The following GRM8 variants were observed in gnomAD, a reference collection of about 807,000 sequenced individuals.
GRM8 encodes glutamate metabotropic receptor 8.
A neutral mutation model predicts 87.2 loss-of-function variants in GRM8; 47 were observed. The ratio of observed to expected loss-of-function variants is 0.54; its 90% CI spans 0.43 to 0.69. The LOEUF (loss-of-function observed/expected upper bound fraction) is 0.69. GRM8 is among the 30% of genes least tolerant of loss of function. The pLI, the probability that GRM8 is intolerant of heterozygous loss-of-function variation, is 0.00. For synonymous variants in GRM8, 396 were observed against 404.5 expected (o/e 0.98, Z 0.25); for missense variants, 1,019 against 1,139.2 (o/e 0.89, Z 1.52).
At chr7:127,217,724 G>A (rs909844732) in intron 2 of GRM8, among the ~76,000 whole-genome samples, 7 of 152,288 alleles carry the variant, frequency 4.6e-5, no homozygotes, top group African/African-American at 1.7e-4. Flanking sequence ...CACACATTCT[G>A]AATTGGCCAG....
intron 6 of GRM8, among the ~76,000 whole-genome samples, chr7:126,879,114 G>T (rs553854062): frequency 1.3e-5 from 2 of 148,154 alleles, no homozygotes; most frequent in Non-Finnish European, 3.0e-5. Context: ...AGTGAGCCAA[G>T]ACGGCGCCAT....
chr7:127,081,370 C>T (rs1312571673), intron 3 of GRM8, among the ~76,000 whole-genome samples: 1 of 152,324 alleles, frequency 6.6e-6, no homozygotes, highest in African/African-American at 2.4e-5. Flanking sequence ...CAATGCAATG[C>T]AGATATTGGC....
intron 6 of GRM8, among the ~76,000 whole-genome samples, chr7:126,815,169 T>C (rs1793669399): frequency 6.6e-6 from 1 of 152,118 alleles, no homozygotes; most frequent in African/African-American, 2.4e-5. Context: ...TTTTTGTCCA[T>C]GGCTGTCCAG....
chr7:127,137,945 C>T (rs528723600), intron 2 of GRM8, among the ~76,000 whole-genome samples: 3 of 152,280 alleles, frequency 2.0e-5, no homozygotes, highest in Non-Finnish European at 2.9e-5. Context: ...TGCTTAAGCT[C>T]CTTTCCTTTT....
intron 3 of GRM8, among the ~76,000 whole-genome samples, chr7:127,046,716 A>G (rs1818961088): frequency 6.6e-6 from 1 of 152,216 alleles, no homozygotes; most frequent in Non-Finnish European, 1.5e-5. Context: ...TTTCTTTTAA[A>G]TAATGATATA....
chr7:126,649,743 T>C (rs371119294), intron 7 of GRM8, among the ~76,000 whole-genome samples: 3 of 152,240 alleles, frequency 2.0e-5, no homozygotes, highest in East Asian at 3.9e-4. Flanking sequence ...CAGTTGGATG[T>C]GTTACTTTGG....
intron 6 of GRM8, among the ~76,000 whole-genome samples, chr7:126,844,690 T>G (rs561284151): frequency 2.6e-5 from 4 of 152,292 alleles, no homozygotes; most frequent in African/African-American, 9.6e-5. Flanking sequence ...GGTCAGGTTC[T>G]GGGGAGAGCT....
intron 1 of GRM8, chr7:127,251,061 T>C (rs1242100439): frequency 1.3e-5 from 2 of 152,188 alleles, no homozygotes; most frequent in African/African-American, 2.4e-5. Flanking sequence ...TTCAGGTTTG[T>C]GGGAAAGGAT....
intron 2 of GRM8, among the ~76,000 whole-genome samples, chr7:127,144,180 T>A (rs781281840): frequency 1.1e-4 from 16 of 152,158 alleles, no homozygotes; most frequent in Non-Finnish European, 2.1e-4. Flanking sequence ...ATATTTGTTA[T>A]GCTTATTATT....
At chr7:127,040,603 TGAAAAAAAAAAA>T (rs1223366407) in intron 3 of GRM8, among the ~76,000 whole-genome samples, 1 of 15,116 alleles carries the variant, frequency 6.6e-5, no homozygotes, top group Non-Finnish European at 1.2e-4. Flanking sequence ...GTATTCCTTG[TGAAAAAAAAAAA>T]AAAGAGACTG....
At chr7:127,013,696 C>G (rs1310598003) in intron 3 of GRM8, among the ~76,000 whole-genome samples, 1 of 151,996 alleles carries the variant, frequency 6.6e-6, no homozygotes, top group African/African-American at 2.4e-5. Flanking sequence ...CTCTGGAAAG[C>G]CAGATAATAA....
intron 7 of GRM8, among the ~76,000 whole-genome samples, chr7:126,664,478 A>G (rs1805545504): frequency 1.3e-5 from 2 of 151,936 alleles, no homozygotes; most frequent in Non-Finnish European, 2.9e-5. Context: ...CCAGAAATAA[A>G]GTCATCCAAT....
intron 9 of GRM8, among the ~76,000 whole-genome samples, chr7:126,448,766 T>G (rs1315867585): frequency 1.3e-5 from 2 of 151,924 alleles, no homozygotes; most frequent in African/African-American, 4.8e-5. Context: ...AACAAAATCC[T>G]TAGCAAACTA....
At chr7:127,108,218 C>A (rs548489433) in intron 2 of GRM8, among the ~76,000 whole-genome samples, 38 of 152,168 alleles carry the variant, frequency 2.5e-4, no homozygotes, top group Non-Finnish European at 4.7e-4. Context: ...CGCAAGGACA[C>A]CCCTCCAAAT....
At chr7:126,634,460 T>C (rs117512599) in intron 7 of GRM8, among the ~76,000 whole-genome samples, 2,112 of 152,284 alleles carry the variant, frequency 0.014, 14 homozygotes, top group Non-Finnish European at 0.021. Flanking sequence ...TTTCTCACTT[T>C]CCTTGTTTCC....
intron 7 of GRM8, among the ~76,000 whole-genome samples, chr7:126,694,242 T>G (rs1809135838): frequency 6.6e-6 from 1 of 152,150 alleles, no homozygotes. Context: ...ATGCACCATC[T>G]AAAACATAGT....
At chr7:126,692,861 A>C (rs1236195818) in intron 7 of GRM8, among the ~76,000 whole-genome samples, 1 of 152,230 alleles carries the variant, frequency 6.6e-6, no homozygotes, top group African/African-American at 2.4e-5. Context: ...ATCACCTTCC[A>C]AATATCAATC....
At chr7:126,875,943 C>G (rs559533267) in intron 6 of GRM8, among the ~76,000 whole-genome samples, 2 of 152,112 alleles carry the variant, frequency 1.3e-5, no homozygotes, top group Non-Finnish European at 1.5e-5. Context: ...CCAGCTGTGT[C>G]GAATTCAGTA....
intron 3 of GRM8, among the ~76,000 whole-genome samples, chr7:126,922,594 G>A (rs1396301515): frequency 2.6e-5 from 4 of 152,140 alleles, no homozygotes; most frequent in Non-Finnish European, 4.4e-5. Flanking sequence ...AATATCGCTT[G>A]GGTAAAATAC....
Sources: allele counts gnomAD v4.1 joint callset (sites outside exome capture counted in the v4.1 genomes callset), GRCh38; gene constraint gnomAD v4.1.1; transcripts MANE v1.5; gene names NCBI Gene and HGNC (gene_info 2026-07-23, HGNC 2026-07-21).